The following CADPS2 variants were observed in gnomAD, a reference collection of about 807,000 sequenced individuals.
CADPS2 encodes the protein calcium-dependent secretion activator 2.
A neutral mutation model predicts 172.5 loss-of-function variants in CADPS2; 93 were observed. That is an observed-to-expected ratio of 0.54 (90% CI 0.46 to 0.64). The LOEUF is 0.64. CADPS2 is among the 30% of genes least tolerant of loss of function. CADPS2 has a pLI of 0.00. For synonymous variants in CADPS2, 546 were observed against 555.2 expected (o/e 0.98, Z 0.23); for missense variants, 1,420 against 1,565.9 (o/e 0.91, Z 1.57).
chr7:122,532,040 A>AC (rs2061802342), intron 8 of CADPS2, among the ~76,000 whole-genome samples: 1 of 151,672 alleles, frequency 6.6e-6, no homozygotes, highest in African/African-American at 2.4e-5. Flanking sequence ...CAAAAAAAAA[A>AC]AAAACAAAAC....
At chr7:122,456,935 C>T (rs143774689) in intron 14 of CADPS2, among the ~76,000 whole-genome samples, 99 of 152,248 alleles carry the variant, frequency 6.5e-4, no homozygotes, top group Non-Finnish European at 1.3e-3. Flanking sequence ...CTAAAACAAA[C>T]GCAAAAACTC....
At chr7:122,362,850 C>T (rs188433553) in intron 25 of CADPS2, among the ~76,000 whole-genome samples, 2 of 152,080 alleles carry the variant, frequency 1.3e-5, no homozygotes, top group East Asian at 1.9e-4. Context: ...TCAATTACTA[C>T]AAAATAGTTT....
At chr7:122,497,579 C>T (rs2058843304) in intron 9 of CADPS2, among the ~76,000 whole-genome samples, 1 of 151,984 alleles carries the variant, frequency 6.6e-6, no homozygotes, top group Non-Finnish European at 1.5e-5. Flanking sequence ...TTAGTTCTAC[C>T]TTATTTTAGT....
At chr7:122,655,963 C>T (rs1324582900) in intron 3 of CADPS2, among the ~76,000 whole-genome samples, 1 of 152,116 alleles carries the variant, frequency 6.6e-6, no homozygotes, top group African/African-American at 2.4e-5. Flanking sequence ...AGCTGCAAAT[C>T]ATTGACTTTT....
At chr7:122,423,050 G>A (rs1346221921) in intron 17 of CADPS2, among the ~76,000 whole-genome samples, 1 of 152,164 alleles carries the variant, frequency 6.6e-6, no homozygotes, top group African/African-American at 2.4e-5. Flanking sequence ...TGGATCCCCA[G>A]TCTACTCTAA....
At chr7:122,682,405 T>C (rs1161760208) in intron 2 of CADPS2, among the ~76,000 whole-genome samples, 2 of 152,234 alleles carry the variant, frequency 1.3e-5, no homozygotes. Context: ...ATGTGTTTCA[T>C]GGTGTGATAG....
Position 122,624,072 on chromosome 7 carries a change from A to G in CADPS2, c.868-2355T>C, listed in dbSNP as rs113124249. 3.3e-3 allele frequency among the ~76,000 whole-genome samples: 497 copies of G among 152,304 alleles called. 4 individuals carry two copies. The highest frequency in any genetic ancestry group is 0.012 in the African/African-American group (480 of 41,576). On this transcript the variant is annotated intron_variant, in intron 4 of 29. Transcript: ENST00000449022. ...AGACTATACTTGAATTTTTTTCTCCAAAAAAGCTCAAAATTCAGTTTTAAA... is the reference window on the plus strand; with the variant it reads ...AGACTATACTTGAATTTTTTTCTCCGAAAAAGCTCAAAATTCAGTTTTAAA...
At chr7:122,732,631 T>TG (rs1269338285) in intron 2 of CADPS2, among the ~76,000 whole-genome samples, 1 of 146,310 alleles carries the variant, frequency 6.8e-6, no homozygotes, top group Non-Finnish European at 1.5e-5. Flanking sequence ...TTTTCTTGGG[T>TG]GGGGGTGTCT....
intron 27 of CADPS2, among the ~76,000 whole-genome samples, chr7:122,359,756 A>G (rs1045448097): frequency 1.3e-5 from 2 of 152,242 alleles, no homozygotes; most frequent in Admixed American, 6.5e-5. Context: ...CGAGGAGGGT[A>G]TGAAGACTTC....
intron 7 of CADPS2, among the ~76,000 whole-genome samples, chr7:122,567,949 T>A (rs187061856): frequency 6.6e-6 from 1 of 152,238 alleles, no homozygotes; most frequent in East Asian, 1.9e-4. Flanking sequence ...AATATTCATA[T>A]TAAAATATAA....
intron 28 of CADPS2, among the ~76,000 whole-genome samples, chr7:122,343,726 AAACAT>A (rs1293137301): frequency 1.3e-5 from 2 of 152,238 alleles, no homozygotes; most frequent in Non-Finnish European, 2.9e-5. Flanking sequence ...TTCTAAGAAG[AAACAT>A]AATGGGAATA....
intron 1 of CADPS2, among the ~76,000 whole-genome samples, chr7:122,816,954 G>T (rs1358630757): frequency 6.6e-6 from 1 of 151,572 alleles, no homozygotes; most frequent in African/African-American, 2.4e-5. Context: ...GGCTCAAAAA[G>T]CACCCCCACT....
At chr7:122,814,855 T>A (rs1388580270) in intron 1 of CADPS2, among the ~76,000 whole-genome samples, 3 of 152,142 alleles carry the variant, frequency 2.0e-5, no homozygotes, top group Non-Finnish European at 2.9e-5. Context: ...ATGTCAACCA[T>A]CAAATGGAAT....
At chr7:122,402,116 G>C (rs2046030739) in intron 20 of CADPS2, among the ~76,000 whole-genome samples, 1 of 151,926 alleles carries the variant, frequency 6.6e-6, no homozygotes, top group South Asian at 2.1e-4. Flanking sequence ...TAGAAGTCTT[G>C]TCACAGATGG....
At chr7:122,602,067 G>A (rs1587741959) in intron 6 of CADPS2, among the ~76,000 whole-genome samples, 1 of 152,034 alleles carries the variant, frequency 6.6e-6, no homozygotes, top group East Asian at 1.9e-4. Context: ...TAGTGTCTCA[G>A]TAAGGAAAAA....
chr7:122,336,893 G>A (rs1328574761), intron 28 of CADPS2, among the ~76,000 whole-genome samples: 1 of 152,134 alleles, frequency 6.6e-6, no homozygotes, highest in African/African-American at 2.4e-5. Context: ...ACAATTAAAG[G>A]TGAGTTAAGG....
At chr7:122,539,928 C>G (rs13227854) in intron 8 of CADPS2, among the ~76,000 whole-genome samples, 16,201 of 151,882 alleles carry the variant, frequency 0.11, 1,059 homozygotes, top group African/African-American at 0.18. Flanking sequence ...TGTCCTTAAT[C>G]TTCATAAAAC....
chr7:122,689,687 C>T (rs1439317237), intron 2 of CADPS2, among the ~76,000 whole-genome samples: 2 of 152,156 alleles, frequency 1.3e-5, no homozygotes, highest in South Asian at 4.1e-4. Flanking sequence ...CCATCAACTC[C>T]CAGGGGGTAC....
intron 8 of CADPS2, among the ~76,000 whole-genome samples, chr7:122,531,649 C>T (rs2061765193): frequency 6.6e-6 from 1 of 152,114 alleles, no homozygotes; most frequent in South Asian, 2.1e-4. Flanking sequence ...TTCCTAATTG[C>T]TTCAAAGAAT....
Sources: allele counts gnomAD v4.1 joint callset (sites outside exome capture counted in the v4.1 genomes callset), GRCh38; gene constraint gnomAD v4.1.1; transcripts MANE v1.5; gene names NCBI Gene and HGNC (gene_info 2026-07-23, HGNC 2026-07-21).